C13orf42: variants seen among roughly 807,000 people sequenced by gnomAD.
The protein encoded by C13orf42 is chromosome 13 open reading frame 42.
At chr13:51,158,262 G>A (rs962672129) in intron 1 of C13orf42, among the ~76,000 whole-genome samples, 3 of 152,204 alleles carry the variant, frequency 2.0e-5, no homozygotes, top group Non-Finnish European at 4.4e-5. Flanking sequence ...GATGAGGGGT[G>A]GATGACATCC....
At chr13:51,128,928 C>G (rs774989312) in intron 1 of C13orf42, among the ~76,000 whole-genome samples, 1 of 152,052 alleles carries the variant, frequency 6.6e-6, no homozygotes, top group Non-Finnish European at 1.5e-5. Context: ...TAGAGGCTTC[C>G]CCAGTTAAGT....
At chr13:51,167,585 A>T (rs1032997292) in intron 1 of C13orf42, among the ~76,000 whole-genome samples, 2 of 152,322 alleles carry the variant, frequency 1.3e-5, no homozygotes, top group Non-Finnish European at 1.5e-5. Flanking sequence ...TGCTGGGTGC[A>T]TGGGAGGGAG....
At chr13:51,148,594 G>C (rs985087162) in intron 1 of C13orf42, among the ~76,000 whole-genome samples, 3 of 152,168 alleles carry the variant, frequency 2.0e-5, no homozygotes, top group African/African-American at 7.2e-5. Context: ...TCCCCCTGGA[G>C]GGGGGTCCAA....
intron 1 of C13orf42, among the ~76,000 whole-genome samples, chr13:51,097,285 T>C (rs1953244926): frequency 1.3e-5 from 2 of 152,222 alleles, no homozygotes; most frequent in Non-Finnish European, 1.5e-5. Flanking sequence ...TAGGCTTCCA[T>C]TTATAAATAC....
At chr13:51,108,506 A>T (rs1593536593) in intron 1 of C13orf42, among the ~76,000 whole-genome samples, 1 of 152,220 alleles carries the variant, frequency 6.6e-6, no homozygotes, top group Admixed American at 6.5e-5. Flanking sequence ...TTTCACAGGC[A>T]GGCCCAGCAT....
At chr13:51,088,249 A>C (rs894612463) in intron 1 of C13orf42, among the ~76,000 whole-genome samples, 174 bp from the exon 2 acceptor site, 2 of 152,178 alleles carry the variant, frequency 1.3e-5, no homozygotes, top group African/African-American at 4.8e-5. Context: ...CAGGTCCATA[A>C]TTGCTGTAGG....
intron 1 of C13orf42, among the ~76,000 whole-genome samples, chr13:51,100,778 A>C (rs1386156489): frequency 6.6e-6 from 1 of 152,196 alleles, no homozygotes; most frequent in Non-Finnish European, 1.5e-5. Flanking sequence ...ATCCCTAAAA[A>C]ATAATGACCT....
rs140948867 is a variant in C13orf42 at position 51,131,272 on chromosome 13, A to G, written n.137-18050T>C. On this transcript the variant is annotated intron_variant and non_coding_transcript_variant, in intron 1 of 4. Coordinates refer to the C13orf42 transcript ENST00000433280. ...CTATTTGTGAGTATCTTAAGGCAAC[A>G]TAGTGCAATAAGAATCTGTTTCTTT... is the stretch of plus-strand genomic sequence containing the variant. Among the ~76,000 whole-genome samples the G allele has an allele frequency of 3.3e-5, 5 of 152,356 alleles. No homozygotes were observed. In the East Asian group the frequency reaches 9.6e-4, roughly 29 times the overall value.
At chr13:51,105,850 A>T (rs1471035094) in intron 1 of C13orf42, among the ~76,000 whole-genome samples, 1 of 152,226 alleles carries the variant, frequency 6.6e-6, no homozygotes, top group Admixed American at 6.5e-5. Flanking sequence ...ATATATTGAC[A>T]GTATGAGTTT....
At chr13:51,143,975 A>G (rs533934815) in intron 1 of C13orf42, among the ~76,000 whole-genome samples, 20 of 152,310 alleles carry the variant, frequency 1.3e-4, no homozygotes, top group Non-Finnish European at 2.6e-4. Context: ...AGTAATAATC[A>G]TAATTGTTAT....
At chr13:51,124,556 T>G (rs1253208683) in intron 1 of C13orf42, among the ~76,000 whole-genome samples, 3 of 152,194 alleles carry the variant, frequency 2.0e-5, no homozygotes, top group Non-Finnish European at 2.9e-5. Context: ...CTCCTGCCTT[T>G]TACAGGTTGA....
chr13:51,097,050 C>A (rs1413379442), intron 1 of C13orf42, among the ~76,000 whole-genome samples: 1 of 152,202 alleles, frequency 6.6e-6, no homozygotes, highest in Non-Finnish European at 1.5e-5. Context: ...GTGAGTACTG[C>A]TTTCTTCACT....
chr13:51,110,770 A>T (rs937701310), intron 1 of C13orf42, 26 bp downstream of exon 1: 5 of 398,398 alleles, frequency 1.3e-5, no homozygotes, highest in Non-Finnish European at 2.2e-5. Context: ...ACCCTCATCT[A>T]AATTGTACTG....
At chr13:51,107,365 A>G (rs904891061) in intron 1 of C13orf42, among the ~76,000 whole-genome samples, 1 of 152,260 alleles carries the variant, frequency 6.6e-6, no homozygotes, top group Non-Finnish European at 1.5e-5. Flanking sequence ...CAGAGTGCTA[A>G]GCAAGGAACA....
intron 1 of C13orf42, among the ~76,000 whole-genome samples, chr13:51,157,976 A>G (rs1446005018): frequency 6.6e-6 from 1 of 152,252 alleles, no homozygotes; most frequent in Non-Finnish European, 1.5e-5. Flanking sequence ...CCTTAGTGAC[A>G]GTACCAAAAA....
At chr13:51,148,512 T>C (rs1953755432) in intron 1 of C13orf42, among the ~76,000 whole-genome samples, 1 of 152,120 alleles carries the variant, frequency 6.6e-6, no homozygotes, top group Non-Finnish European at 1.5e-5. Flanking sequence ...AGCTGTAAGG[T>C]AAAAGCCGGC....
At chr13:51,161,518 C>T (rs748668578) in intron 1 of C13orf42, among the ~76,000 whole-genome samples, 4 of 152,098 alleles carry the variant, frequency 2.6e-5, no homozygotes, top group South Asian at 4.2e-4. Flanking sequence ...CTCTTACACT[C>T]GAGGCCAATA....
intron 1 of C13orf42, among the ~76,000 whole-genome samples, chr13:51,154,012 C>A (rs1398942949): frequency 1.3e-5 from 2 of 152,104 alleles, no homozygotes; most frequent in East Asian, 1.9e-4. Flanking sequence ...CTACCCCCAG[C>A]CCCTGACAAC....
At chr13:51,158,216 C>T (rs1953838791) in intron 1 of C13orf42, among the ~76,000 whole-genome samples, 1 of 152,116 alleles carries the variant, frequency 6.6e-6, no homozygotes, top group African/African-American at 2.4e-5. Context: ...TGTCAGATTC[C>T]AGAACCTACA....
Sources: allele counts gnomAD v4.1 joint callset (sites outside exome capture counted in the v4.1 genomes callset), GRCh38; gene constraint gnomAD v4.1.1; transcripts MANE v1.5; gene names NCBI Gene and HGNC (gene_info 2026-07-23, HGNC 2026-07-21).